Variants in CCSER1 observed in about 807,000 individuals in gnomAD.
CCSER1 encodes the protein coiled-coil serine rich protein 1, also known as serine-rich coiled-coil domain-containing protein 1.
A neutral mutation model predicts 82.0 loss-of-function variants in CCSER1; 41 were observed. That is an observed-to-expected ratio of 0.50 (90% CI 0.39 to 0.65). CCSER1 has a LOEUF of 0.65. Among genes scored for constraint, CCSER1 ranks in the 30% least tolerant of loss-of-function variants. The pLI is 0.00. For missense variants in CCSER1, 1,119 were observed against 1,064.2 expected, an observed-to-expected ratio of 1.05 and a Z score of -0.72; for synonymous variants, 414 against 383.9, an observed-to-expected ratio of 1.08 and a Z score of -0.92.
intron 10 of CCSER1, among the ~76,000 whole-genome samples, chr4:91,281,131 G>A (rs972764395): frequency 1.3e-5 from 2 of 152,134 alleles, no homozygotes; most frequent in African/African-American, 4.8e-5. Context: ...CCCTTGTTTT[G>A]GGGAATCTCT....
At chr4:90,268,805 T>C (rs926533349) in intron 1 of CCSER1, among the ~76,000 whole-genome samples, 1 of 151,894 alleles carries the variant, frequency 6.6e-6, no homozygotes, top group African/African-American at 2.4e-5. Context: ...ACAAGAAATG[T>C]ACTTCACCTA....
chr4:90,825,742 T>G (rs1317260786), intron 8 of CCSER1, among the ~76,000 whole-genome samples: 2 of 145,622 alleles, frequency 1.4e-5, no homozygotes, highest in Non-Finnish European at 3.0e-5. Context: ...TTTTTTTTTT[T>G]TTTTTTGAGA....
chr4:91,287,246 T>C (rs1372784266), intron 10 of CCSER1, among the ~76,000 whole-genome samples: 1 of 151,822 alleles, frequency 6.6e-6, no homozygotes, highest in Non-Finnish European at 1.5e-5. Context: ...AATACTAACC[T>C]CAAAGTCAGA....
chr4:90,528,501 G>A (rs1315121245), intron 5 of CCSER1, among the ~76,000 whole-genome samples: 1 of 152,146 alleles, frequency 6.6e-6, no homozygotes, highest in African/African-American at 2.4e-5. Context: ...TTAGAACTTT[G>A]TCTTTAGCAA....
chr4:91,230,191 G>A (rs768702146), intron 10 of CCSER1, among the ~76,000 whole-genome samples: 36 of 151,908 alleles, frequency 2.4e-4, no homozygotes, highest in African/African-American at 5.3e-4. Context: ...CCACATAACC[G>A]AATAAATGGC....
At chr4:90,865,012 A>G (rs1765564526) in intron 8 of CCSER1, among the ~76,000 whole-genome samples, 1 of 152,072 alleles carries the variant, frequency 6.6e-6, no homozygotes, top group Non-Finnish European at 1.5e-5. Flanking sequence ...TCAATGTCAT[A>G]AGACCCTTAG....
intron 9 of CCSER1, among the ~76,000 whole-genome samples, chr4:91,077,048 T>C (rs1722071515): frequency 6.6e-6 from 1 of 150,386 alleles, no homozygotes; most frequent in Non-Finnish European, 1.5e-5. Context: ...AAATTCCACA[T>C]GACCAGGCAA....
At chr4:90,415,935 A>AC (rs1755717541) in intron 4 of CCSER1, among the ~76,000 whole-genome samples, 2 of 152,204 alleles carry the variant, frequency 1.3e-5, no homozygotes, top group Non-Finnish European at 2.9e-5. Flanking sequence ...CTGTGTTAGT[A>AC]CTGGGGTAGG....
At chr4:90,416,480 C>T (rs78535930) in intron 4 of CCSER1, among the ~76,000 whole-genome samples, 1,896 of 152,214 alleles carry the variant, frequency 0.012, 30 homozygotes, top group African/African-American at 0.042. Flanking sequence ...GCTCAGTTTC[C>T]TCATTTGTAA....
intron 1 of CCSER1, among the ~76,000 whole-genome samples, chr4:90,305,830 A>G (rs1258626872): frequency 6.6e-6 from 1 of 152,218 alleles, no homozygotes; most frequent in Non-Finnish European, 1.5e-5. Context: ...ACTTCTGGGT[A>G]TATAGCCAAA....
At chr4:90,363,058 A>G (rs1477432787) in intron 3 of CCSER1, among the ~76,000 whole-genome samples, 1 of 152,180 alleles carries the variant, frequency 6.6e-6, no homozygotes, top group Non-Finnish European at 1.5e-5. Flanking sequence ...TCATTAATCC[A>G]CACAATAATT....
At chr4:91,525,293 G>A (rs1463554047) in intron 10 of CCSER1, among the ~76,000 whole-genome samples, 3 of 152,148 alleles carry the variant, frequency 2.0e-5, no homozygotes, top group Non-Finnish European at 2.9e-5. Context: ...GGTTGGAATT[G>A]CTGGAAGGAA....
intron 10 of CCSER1, among the ~76,000 whole-genome samples, chr4:91,380,407 C>T (rs544135709): frequency 1.3e-5 from 2 of 152,228 alleles, no homozygotes; most frequent in East Asian, 1.9e-4. Context: ...TCTCTAAGGA[C>T]TTGCTTTATG....
rs1764797597 is a variant in CCSER1, at chr4:91,601,078, T to A, written c.*2021T>A. ...CTGTACATAAATAAGCATGATAAAATAATCAAGGATTTTTTCCCAGGATAT... is the reference window on the plus strand; with the variant it reads ...CTGTACATAAATAAGCATGATAAAAAAATCAAGGATTTTTTCCCAGGATAT... On this transcript the variant is annotated 3_prime_UTR_variant, in exon 11 of 11. Coordinates refer to ENST00000509176, the MANE Select transcript of CCSER1 (RefSeq NM_001145065.2). 1 of 152,054 alleles carries A rather than the reference T, an allele frequency of 6.6e-6. No homozygotes were observed. The highest frequency in any genetic ancestry group is 2.4e-5 in the African/African-American group (1 of 41,442). 9.4% of individuals were successfully genotyped at this position (152,054 alleles called of 1,614,324 possible). A position where few individuals can be genotyped will look rare whatever the true frequency, so the allele number is the denominator to read the frequency against.
intron 7 of CCSER1, among the ~76,000 whole-genome samples, chr4:90,745,676 ATCTTTTT>A (rs1305861761): frequency 7.3e-5 from 7 of 95,688 alleles, no homozygotes; most frequent in Non-Finnish European, 1.5e-4. Context: ...TATTTCTTTT[ATCTTTTT>A]TTTTTTTTTT....
intron 7 of CCSER1, among the ~76,000 whole-genome samples, chr4:90,769,934 A>G (rs1349116137): frequency 6.6e-6 from 1 of 152,124 alleles, no homozygotes; most frequent in Non-Finnish European, 1.5e-5. Flanking sequence ...TATAATCCCC[A>G]TTTTTTGAGT....
intron 3 of CCSER1, among the ~76,000 whole-genome samples, chr4:90,351,489 T>C (rs1361939822): frequency 6.6e-6 from 1 of 152,038 alleles, no homozygotes. Flanking sequence ...CTTGAAGAAA[T>C]GAAGTAAATA....
At chr4:90,253,699 T>A (rs1219114416) in intron 1 of CCSER1, among the ~76,000 whole-genome samples, 1 of 152,210 alleles carries the variant, frequency 6.6e-6, no homozygotes, top group East Asian at 1.9e-4. Flanking sequence ...ATTTCCCCAA[T>A]GGGATTCAAT....
chr4:91,335,919 A>G (rs1022908293), intron 10 of CCSER1, among the ~76,000 whole-genome samples: 6 of 152,132 alleles, frequency 3.9e-5, no homozygotes, highest in African/African-American at 9.7e-5. Context: ...CATGCCTTAC[A>G]TAAAGAATCA....
Sources: allele counts gnomAD v4.1 joint callset (sites outside exome capture counted in the v4.1 genomes callset), GRCh38; gene constraint gnomAD v4.1.1; transcripts MANE v1.5; gene names NCBI Gene and HGNC (gene_info 2026-07-23, HGNC 2026-07-21).